The following FASTK variants were observed in gnomAD, a reference collection of about 807,000 sequenced individuals.
The protein encoded by FASTK is fas-activated serine/threonine kinase.
A neutral mutation model predicts 60.0 loss-of-function variants in FASTK; 28 were observed. The ratio of observed to expected loss-of-function variants is 0.47; its 90% CI spans 0.35 to 0.64. FASTK has a LOEUF of 0.64. FASTK is among the 30% of genes least tolerant of loss of function. FASTK has a pLI of 0.01. For synonymous variants in FASTK, 325 were observed against 307.9 expected (o/e 1.06, Z -0.58); for missense variants, 595 against 713.8 (o/e 0.83, Z 1.90).
At chr7:151,077,565 T>A (rs1797734303) in intron 6 of FASTK, 56 bp downstream of exon 6, 1 of 1,528,092 alleles carries the variant, frequency 6.5e-7, no homozygotes, top group Admixed American at 2.0e-5. Flanking sequence ...CTCTGGCTTT[T>A]CCACTCTGCT....
At chr7:151,080,623 G>T in intron 1 of FASTK, 62 bp downstream of exon 1, 1 of 1,379,250 alleles carries the variant, frequency 7.3e-7, no homozygotes, top group Non-Finnish European at 9.3e-7. Context: ...GACCGTGGCC[G>T]CTGCCGCTAA....
rs928264651 is a variant in FASTK at position 151,077,413 on chromosome 7, G to A, written c.1200-12C>T. The A allele has an allele frequency of 6.2e-7, 1 of 1,610,946 alleles. No individual in the cohort carries two copies. ...CTATGTCCTTGTGACTGAGGAGAAA[G>A]GACACCAGTAGCAGGAAGGGCCCGG... On this transcript the variant is annotated splice_polypyrimidine_tract_variant and intron_variant, in intron 6 of 9. Transcript: ENST00000297532.
Position 151,079,868 on chromosome 7 carries a change from G to C in FASTK, c.137C>G (p.Pro46Arg). Reference protein sequence around the residue: ...LRVLLSAQTSPARLSGLLLIP... With the variant: ...LRVLLSAQTSRARLSGLLLIP... The stretch of plus-strand genomic sequence containing the variant: ...CAGCAGCAGGCCAGACAGCCGAGCA[G>C]GGGAGGTCTGAGCAGAGAGCAGGAC... Residue 46 changes from proline (P) to arginine (R), a missense_variant, in exon 2 of 10, where the codon CCT becomes CGT. This residue lies in a region of FASTK where 124 missense variants were observed against 107.9 expected (regional missense o/e 1.15). Coordinates refer to ENST00000297532, the MANE Select transcript of FASTK (RefSeq NM_006712.5). 6.2e-7 allele frequency: 1 copy of C among 1,605,308 alleles called. No homozygotes were observed. The highest frequency in any genetic ancestry group is 8.5e-7 in the Non-Finnish European group (1 of 1,175,848).
chr7:151,076,729 C>A lies in FASTK; in HGVS notation c.1646G>T (p.Gly549Val). Residue 549 changes from glycine to valine, a missense_variant, in exon 10 of 10, where the codon GGC becomes GTC. By Grantham distance (109) the Gly-to-Val change is moderately radical. This residue lies in a region of FASTK where 471 missense variants were observed against 605.9 expected (regional missense o/e 0.78). Transcript: ENST00000297532. Reference protein sequence around the residue: ...ALGLRWGPEGG With the variant: ...ALGLRWGPEGV The stretch of plus-strand genomic sequence containing the variant: ...CCTGAACCCCACATCAACCCCTCAG[C>A]CCCCTTCAGGCCCCCAGCGCAGGCC... 1 of 1,586,252 alleles carries A rather than the reference C, an allele frequency of 6.3e-7. No individual in the cohort carries two copies. The highest frequency in any genetic ancestry group is 8.6e-7 in the Non-Finnish European group (1 of 1,165,026).
intron 1 of FASTK, 168 bp downstream of exon 1, chr7:151,080,517 A>C: frequency 1.6e-6 from 2 of 1,287,364 alleles, no homozygotes; most frequent in Non-Finnish European, 2.0e-6. Flanking sequence ...CCCACCTCGC[A>C]GGGCGCGCGT....
intron 1 of FASTK, chr7:151,080,433 T>G: frequency 8.2e-7 from 1 of 1,217,960 alleles, no homozygotes. Flanking sequence ...GCGCTCCCAC[T>G]CACCAGCGGC....
Position 151,076,696 on chromosome 7 carries a change from G to C in FASTK, c.*29C>G. ...GTGCAAATCATCCACCCCCCATGGG[G>C]GGGCCATCCTGAACCCCACATCAAC... is the stretch of plus-strand genomic sequence containing the variant. On this transcript the variant is annotated 3_prime_UTR_variant, in exon 10 of 10. Coordinates refer to ENST00000297532, the MANE Select transcript of FASTK (RefSeq NM_006712.5). 1 of 1,425,364 alleles carries C rather than the reference G, an allele frequency of 7.0e-7. No homozygotes were observed. The highest frequency in any genetic ancestry group is 9.5e-7 in the Non-Finnish European group (1 of 1,052,228). The allele number at this position is 1,425,364 out of a possible 1,614,324, so 88.3% of individuals were successfully genotyped here. A position where few individuals can be genotyped will look rare whatever the true frequency, so the allele number is the denominator to read the frequency against.
rs1212302074 is a variant in FASTK at position 151,079,659 on chromosome 7, C to T, written c.346G>A (p.Val116Met). Residue 116 changes from valine (V) to methionine (M), a missense_variant, in exon 2 of 10, where the codon GTG (valine) becomes ATG (methionine). Physicochemically the swap from Val to Met is conservative, Grantham distance 21. This residue lies in a region of FASTK where 471 missense variants were observed against 605.9 expected (regional missense o/e 0.78). Coordinates refer to ENST00000297532, the MANE Select transcript of FASTK (RefSeq NM_006712.5). ...AGCTGGCCCAGACGACGAAGCGCCACCGAGTAGTGGTGGGCGCGCACCTTG... is the reference window on the plus strand; with the variant it reads ...AGCTGGCCCAGACGACGAAGCGCCATCGAGTAGTGGTGGGCGCGCACCTTG... ...PSKVRAHHYS[V>M]ALRRLGQLLG... is the part of the protein sequence containing the mutation. 6.2e-7 allele frequency: 1 copy of T among 1,612,938 alleles called. No individual in the cohort carries two copies. Among genetic ancestry groups the T allele is most frequent in the Non-Finnish European group, 8.5e-7 (1 of 1,179,778 alleles).
At position 151,076,792 on chromosome 7, in the gene FASTK, TGG is replaced by T; in HGVS notation, c.1581_1582del (p.Gln528AlafsTer19). 1 of 1,612,404 alleles carries T rather than the reference TGG, an allele frequency of 6.2e-7. No homozygotes were observed. Among genetic ancestry groups the T allele is most frequent in the Non-Finnish European group, 8.5e-7 (1 of 1,179,464 alleles). Reference sequence around the variant, plus strand: ...CTTCTGCCTCAGGTAGCTCTTGAGCTGGGGCAGGCCTCTCTGGGACTCCAGTT... The same window carrying T: ...CTTCTGCCTCAGGTAGCTCTTGAGCTGGCAGGCCTCTCTGGGACTCCAGTT... On this transcript the variant is annotated frameshift_variant, in exon 10 of 10. Transcript: ENST00000297532. LOFTEE classifies it high-confidence loss of function.
Position 151,077,386 on chromosome 7 carries a change from T to C in FASTK, c.1215A>G (p.Val405=). The change falls in exon 7 of 10, where the codon GTA becomes GTG. Residue 405 remains valine, a synonymous_variant. Transcript: ENST00000297532. ...CCAGCAGCTGGCGCAACCCCTCAGC[T>C]ACTATGTCCTTGTGACTGAGGAGAA... ...ARCKYSHKDI[V]AEGLRQLLGE... is the part of the protein sequence containing the mutation. 1 of 1,612,544 alleles carries C rather than the reference T, an allele frequency of 6.2e-7. No individual in the cohort carries two copies. The highest frequency in any genetic ancestry group is 8.5e-7 in the Non-Finnish European group (1 of 1,179,988).
intron 6 of FASTK, 80 bp downstream of exon 6, chr7:151,077,541 G>T: frequency 6.6e-7 from 1 of 1,510,230 alleles, no homozygotes; most frequent in Non-Finnish European, 8.9e-7. Flanking sequence ...CTTAGCTTTG[G>T]CGCTTCATGG....
rs756901987 is a variant in FASTK at position 151,076,699 on chromosome 7, G to C, written c.*26C>G. The C allele has an allele frequency of 7.0e-7, 1 of 1,427,318 alleles. No homozygotes were observed. Among genetic ancestry groups the C allele is most frequent in the South Asian group, 1.3e-5 (1 of 76,718 alleles). 88.4% of individuals were successfully genotyped at this position (1,427,318 alleles called of 1,614,324 possible). ...CAAATCATCCACCCCCCATGGGGGG[G>C]CCATCCTGAACCCCACATCAACCCC... On this transcript the variant is annotated 3_prime_UTR_variant, in exon 10 of 10. Transcript: ENST00000297532.
chr7:151,079,220 T>C (rs1797843198), intron 2 of FASTK, 199 bp from the exon 3 acceptor site: 2 of 586,000 alleles, frequency 3.4e-6, no homozygotes, highest in African/African-American at 1.9e-5. Flanking sequence ...AGGGAGTACA[T>C]ACAAAGATGG....
At position 151,077,298 on chromosome 7, in the gene FASTK, C is replaced by T; in HGVS notation, c.1291+12G>A. The T allele has an allele frequency of 6.2e-7, 1 of 1,612,830 alleles. No individual in the cohort carries two copies. Among genetic ancestry groups the T allele is most frequent in the Non-Finnish European group, 8.5e-7 (1 of 1,179,816 alleles). On this transcript the variant is annotated intron_variant, in intron 7 of 9. Transcript: ENST00000297532. Reference sequence around the variant, plus strand: ...TCCGTCTCCCCGGGCCTGCCGCCTGCCCCTTGCTCACCTGTGCAGTAGCCT... The same window carrying T: ...TCCGTCTCCCCGGGCCTGCCGCCTGTCCCTTGCTCACCTGTGCAGTAGCCT...
In FASTK at chr7:151,079,814, C is replaced by G; in HGVS notation, c.191G>C (p.Gly64Ala). Reference protein sequence around the residue: ...LIPPVQPCCLGPSKWGDRPVG... With the variant: ...LIPPVQPCCLAPSKWGDRPVG... ...AGGCCGGTCCCCCCATTTGCTGGGC[C>G]CCAAACAGCAGGGCTGTACTGGAGG... The change falls in exon 2 of 10, where the codon GGG becomes GCG. Residue 64 changes from glycine (G) to alanine (A), a missense_variant. Physicochemically the swap from Gly to Ala is moderately conservative, Grantham distance 60 (BLOSUM62 0). Coordinates refer to ENST00000297532, the MANE Select transcript of FASTK (RefSeq NM_006712.5). 4 of 1,600,970 alleles carry G rather than the reference C, an allele frequency of 2.5e-6. No homozygotes were observed. Among genetic ancestry groups the G allele is most frequent in the Non-Finnish European group, 3.4e-6 (4 of 1,173,784 alleles).
rs1797818567 is a variant in FASTK, at chr7:151,078,858, C to G, written c.669G>C (p.Leu223=). The part of the protein sequence containing the change: ...PRFLRYPRQH[L]ISSLAEARPE... Reference sequence around the variant, plus strand: ...CTCCAGCACCTGCCAGGCTGCTGATCAGATGCTGCCGTGGATACCGCAGAA... The same window carrying G: ...CTCCAGCACCTGCCAGGCTGCTGATGAGATGCTGCCGTGGATACCGCAGAA... Residue 223 remains leucine, a synonymous_variant, in exon 3 of 10, where the codon CTG becomes CTC. Coordinates refer to ENST00000297532, the MANE Select transcript of FASTK (RefSeq NM_006712.5). 1 of 1,608,278 alleles carries G rather than the reference C, an allele frequency of 6.2e-7. No individual in the cohort carries two copies. Among genetic ancestry groups the G allele is most frequent in the African/African-American group, 1.3e-5 (1 of 74,622 alleles).
At chr7:151,079,344 C>G in intron 2 of FASTK, 156 bp downstream of exon 2, 1 of 749,538 alleles carries the variant, frequency 1.3e-6, no homozygotes, top group Non-Finnish European at 2.1e-6. Context: ...GTGCGTTCGA[C>G]TCATGATGTC....
In FASTK at chr7:151,077,634, G is replaced by C. The variant is rs1185273147; in HGVS notation, c.1186C>G (p.Arg396Gly). ...TGCCCCATCCACCTGTACTTGCAGC[G>C]GGCACGGTCGGTGATGAGAGGCTGG... ...FPQPLITDRA[R>G]CKYSHKDIVA... The change falls in exon 6 of 10, where the codon CGC becomes GGC. Residue 396 changes from arginine (R) to glycine (G), a missense_variant. Physicochemically the swap from Arg to Gly is moderately radical, Grantham distance 125. Around this residue, in one of 2 missense-constraint regions of FASTK, gnomAD observed 471 missense variants for 605.9 expected, o/e 0.78. Transcript: ENST00000297532. The C allele has an allele frequency of 6.5e-7, 1 of 1,550,284 alleles. No individual in the cohort carries two copies. The highest frequency in any genetic ancestry group is 8.7e-7 in the Non-Finnish European group (1 of 1,147,398).
rs1383896656 is a variant in FASTK, at chr7:151,080,695, G to A, written c.72C>T (p.Pro24=). 4 of 1,421,556 alleles carry A rather than the reference G, an allele frequency of 2.8e-6. No homozygotes were observed. The highest frequency in any genetic ancestry group is 1.8e-6 in the Non-Finnish European group (2 of 1,092,206). 88.1% of individuals were successfully genotyped at this position (1,421,556 alleles called of 1,614,324 possible). A position where few individuals can be genotyped will look rare whatever the true frequency, so the allele number is the denominator to read the frequency against. The change falls in exon 1 of 10, where the codon CCC becomes CCT. Residue 24 remains proline (P), a synonymous_variant. Coordinates refer to ENST00000297532, the MANE Select transcript of FASTK (RefSeq NM_006712.5). ...RPTEGATCAG[P]GESWSPSPNS... is the part of the protein sequence containing the mutation. ...AGGCGCCACCCCTACATGACTCCCC[G>A]GGCCCTGCGCAGGTCGCTCCCTCAG...
Sources: allele counts gnomAD v4.1 joint callset, GRCh38; gene constraint gnomAD v4.1.1; regional missense constraint gnomAD v4.1.1; transcripts MANE v1.5; gene names NCBI Gene and HGNC (gene_info 2026-07-23, HGNC 2026-07-21).